Variants in CCDC196 observed in about 807,000 individuals in gnomAD.
CCDC196 encodes the protein coiled-coil domain-containing protein 196.
At chr14:66,489,437 C>T (rs1286776011) in intron 4 of CCDC196, among the ~76,000 whole-genome samples, 3 of 152,170 alleles carry the variant, frequency 2.0e-5, no homozygotes, top group African/African-American at 7.2e-5. Context: ...GGCTCATTCT[C>T]ATCCTTCAGG....
chr14:66,489,477 A>G (rs1688630428), intron 4 of CCDC196, among the ~76,000 whole-genome samples: 1 of 152,202 alleles, frequency 6.6e-6, no homozygotes, highest in African/African-American at 2.4e-5. Context: ...TCCTTAGAGA[A>G]GCCATCCTTG....
At position 66,492,174 on chromosome 14, in the gene CCDC196, T is replaced by A; in HGVS notation, c.695T>A (p.Leu232Ter). Reference sequence around the variant, plus strand: ...AATTTTGAGCCAATGCAAGCATTTTTAAATCTTCCTGGGTCCCAAGGTAGG... The same window carrying A: ...AATTTTGAGCCAATGCAAGCATTTTAAAATCTTCCTGGGTCCCAAGGTAGG... ...QQNFEPMQAFLNLPGSQGTMG... is the reference protein window; with the variant it reads ...QQNFEPMQAF Residue 232 changes from leucine to a stop codon, truncating the protein, a stop_gained, in exon 8 of 10, where the codon TTA becomes TAA. Transcript: ENST00000636229. LOFTEE classifies it high-confidence loss of function. The A allele has an allele frequency of 2.4e-6, 1 of 413,954 alleles. No homozygotes were observed. The highest frequency in any genetic ancestry group is 4.4e-6 in the Non-Finnish European group (1 of 226,248). The allele number at this position is 413,954 out of a possible 1,614,324, so 25.6% of individuals were successfully genotyped here.
Position 66,486,680 on chromosome 14 carries a change from A to G in CCDC196, c.74A>G (p.Tyr25Cys). The change falls in exon 2 of 10, where the codon TAC becomes TGC. Residue 25 changes from tyrosine to cysteine, a missense_variant. Physicochemically the swap from Tyr to Cys is radical, Grantham distance 194 (BLOSUM62 -2). Transcript: ENST00000636229. ...AGAAGTTCTAAAATAGATGACAACT[A>G]CTTGAAGGAATTGAATGAGGACTTA... is the stretch of plus-strand genomic sequence containing the variant. ...EIRSSKIDDN[Y>C]LKELNEDLKL... The G allele has an allele frequency of 2.4e-6, 1 of 413,524 alleles. No individual in the cohort carries two copies. Among genetic ancestry groups the G allele is most frequent in the Non-Finnish European group, 4.4e-6 (1 of 226,138 alleles). 25.6% of individuals were successfully genotyped at this position (413,524 alleles called of 1,614,324 possible).
intron 3 of CCDC196, among the ~76,000 whole-genome samples, 185 bp downstream of exon 3, chr14:66,488,441 C>T (rs376526693): frequency 1.2e-3 from 185 of 152,210 alleles, no homozygotes; most frequent in African/African-American, 4.1e-3. Flanking sequence ...GGGAAGAACA[C>T]GACTAGCAAG....
intron 4 of CCDC196, among the ~76,000 whole-genome samples, 195 bp downstream of exon 4, chr14:66,489,232 C>T (rs1264135262): frequency 6.6e-6 from 1 of 152,210 alleles, no homozygotes; most frequent in East Asian, 1.9e-4. Flanking sequence ...TATGAAAAAC[C>T]TTTACAGCCA....
intron 8 of CCDC196, among the ~76,000 whole-genome samples, chr14:66,493,235 G>C (rs1655679252): frequency 1.3e-5 from 2 of 152,092 alleles, no homozygotes; most frequent in Non-Finnish European, 2.9e-5. Context: ...AAATATATGA[G>C]TAAATCAAAG....
chr14:66,495,704 G>C (rs2057647830), intron 8 of CCDC196: 1 of 152,714 alleles, frequency 6.5e-6, no homozygotes, highest in Non-Finnish European at 1.5e-5. Context: ...CAAGTCCACA[G>C]AGTGGTAATT....
chr14:66,495,496 T>C (rs1000947327), intron 8 of CCDC196, among the ~76,000 whole-genome samples: 3 of 152,224 alleles, frequency 2.0e-5, no homozygotes, highest in African/African-American at 7.2e-5. Context: ...TAGACTATGC[T>C]ACAAAATGGA....
At chr14:66,496,535 A>G (rs1393058701) in intron 8 of CCDC196, 1 of 354,258 alleles carries the variant, frequency 2.8e-6, no homozygotes, top group East Asian at 7.4e-5. Flanking sequence ...GACAGGTGAC[A>G]TTTGAAAGGA....
In CCDC196 at chr14:66,490,789, A is replaced by G. The variant is rs942559954; in HGVS notation, c.399A>G (p.Thr133=). Residue 133 remains threonine, a synonymous_variant, in exon 5 of 10, where the codon ACA becomes ACG. Coordinates refer to ENST00000636229, the MANE Select transcript of CCDC196 (RefSeq NM_001351576.1). ...ELSDQQKAPQ[T]KNKADLQDGK... is the part of the protein sequence containing the mutation. ...GTGATCAACAAAAAGCACCACAGACAAAAAACAAGGCAGACTTGCAGGATG... is the reference window on the plus strand; with the variant it reads ...GTGATCAACAAAAAGCACCACAGACGAAAAACAAGGCAGACTTGCAGGATG... 1.3e-5 allele frequency: 5 copies of G among 399,582 alleles called. No homozygotes were observed. The East Asian group carries it at 1.8e-4, about 14-fold the overall frequency. The allele number at this position is 399,582 out of a possible 1,614,324, so 24.8% of individuals were successfully genotyped here.
At chr14:66,494,725 GAAAGA>G (rs1594745421) in intron 8 of CCDC196, 1 of 152,116 alleles carries the variant, frequency 6.6e-6, no homozygotes, top group East Asian at 1.9e-4. Flanking sequence ...AGTGAGATTA[GAAAGA>G]CATACAGAAT....
chr14:66,495,101 A>T (rs2057631838), intron 8 of CCDC196, among the ~76,000 whole-genome samples: 1 of 152,120 alleles, frequency 6.6e-6, no homozygotes. Context: ...TGATGCCATC[A>T]AGTTTGAAAT....
chr14:66,494,655 C>T (rs143136749), intron 8 of CCDC196: 4 of 152,048 alleles, frequency 2.6e-5, no homozygotes, highest in East Asian at 3.9e-4. Flanking sequence ...ACACAAAAAA[C>T]AAGATTTTAA....
Position 66,498,552 on chromosome 14 carries a change from T to C in CCDC196, c.*80T>C, listed in dbSNP as rs1319306362. The C allele has an allele frequency of 2.5e-6, 1 of 407,968 alleles. No homozygotes were observed. The highest frequency in any genetic ancestry group is 2.1e-5 in the African/African-American group (1 of 48,554). 25.3% of individuals were successfully genotyped at this position (407,968 alleles called of 1,614,324 possible). A position where few individuals can be genotyped will look rare whatever the true frequency, so the allele number is the denominator to read the frequency against. On this transcript the variant is annotated 3_prime_UTR_variant, in exon 10 of 10. Coordinates refer to ENST00000636229, the MANE Select transcript of CCDC196 (RefSeq NM_001351576.1). Reference sequence around the variant, plus strand: ...GTGTTAATTAAAATCTCTCGCACCTTTGTTTTAGTGCTGTTTTCCCTCTCT... The same window carrying C: ...GTGTTAATTAAAATCTCTCGCACCTCTGTTTTAGTGCTGTTTTCCCTCTCT...
chr14:66,487,734 AG>A (rs2057441117), intron 2 of CCDC196, among the ~76,000 whole-genome samples: 1 of 152,180 alleles, frequency 6.6e-6, no homozygotes, highest in Non-Finnish European at 1.5e-5. Context: ...GAAGCAAGGA[AG>A]TGGGAGAAAG....
intron 3 of CCDC196, among the ~76,000 whole-genome samples, chr14:66,488,569 A>C (rs1394111826): frequency 2.0e-5 from 3 of 152,188 alleles, no homozygotes; most frequent in African/African-American, 7.2e-5. Flanking sequence ...AAGAATAGAA[A>C]ATACCTATCA....
chr14:66,488,905 T>C (rs538963373), intron 3 of CCDC196, 82 bp from the exon 4 acceptor site: 166 of 412,370 alleles, frequency 4.0e-4, no homozygotes, highest in Non-Finnish European at 6.4e-4. Flanking sequence ...TTTCCACTAT[T>C]ACTTAGTAAC....
At chr14:66,488,936 T>G (rs1594734047) in intron 3 of CCDC196, 51 bp from the exon 4 acceptor site, 1 of 413,010 alleles carries the variant, frequency 2.4e-6, no homozygotes, top group East Asian at 3.6e-5. Context: ...CCCACTTCAA[T>G]GGCTGGACAA....
intron 8 of CCDC196, chr14:66,494,059 T>C (rs1043453854): frequency 1.3e-5 from 2 of 152,240 alleles, no homozygotes; most frequent in African/African-American, 2.4e-5. Flanking sequence ...ATGTAAAACA[T>C]TGAATCAACT....
Sources: gnomAD v4.1 joint callset for allele counts (sites outside exome capture counted in the v4.1 genomes callset) on GRCh38, gnomAD v4.1.1 for gene constraint, MANE v1.5 for transcripts, NCBI Gene and HGNC (gene_info 2026-07-23, HGNC 2026-07-21) for gene names.